PTPRD: variants seen among roughly 807,000 people sequenced by gnomAD.
PTPRD encodes the protein receptor-type tyrosine-protein phosphatase delta.
PTPRD carries 34 observed loss-of-function variants against 214.5 expected under a neutral mutation model. The observed-to-expected ratio is 0.16, with a 90% confidence interval of 0.12 to 0.21. The LOEUF is 0.21. Ranked by LOEUF, PTPRD falls within the 10% of genes least tolerant of loss-of-function variation. The pLI, the probability that PTPRD is intolerant of heterozygous loss-of-function variation, is 1.00. For missense variants in PTPRD, 2,545 were observed against 2,398.7 expected (o/e 1.06, Z -1.27); for synonymous variants, 1,128 against 845.7 (o/e 1.33, Z -5.79).
intron 9 of PTPRD, among the ~76,000 whole-genome samples, chr9:9,329,273 CA>C (rs1017769840): frequency 4.8e-4 from 72 of 151,134 alleles, no homozygotes; most frequent in African/African-American, 1.5e-3. Context: ...AACAAAAACA[CA>C]AAAAAACCAA....
At chr9:9,908,975 T>C (rs886188458) in intron 5 of PTPRD, among the ~76,000 whole-genome samples, 13 of 151,970 alleles carry the variant, frequency 8.6e-5, no homozygotes, top group Admixed American at 6.6e-4. Context: ...ATATAGCAAG[T>C]GGTTTAAAAT....
intron 9 of PTPRD, among the ~76,000 whole-genome samples, chr9:9,372,829 A>C (rs1461984723): frequency 1.3e-5 from 2 of 151,978 alleles, no homozygotes; most frequent in Non-Finnish European, 2.9e-5. Context: ...ATCTCTCAGC[A>C]TTTGCTTGTT....
At chr9:9,192,633 A>G (rs1373763703) in intron 9 of PTPRD, among the ~76,000 whole-genome samples, 1 of 152,120 alleles carries the variant, frequency 6.6e-6, no homozygotes, top group Non-Finnish European at 1.5e-5. Flanking sequence ...TAGAGAGTCC[A>G]TTAAATGCCT....
At chr9:10,156,950 A>ACTT (rs2099097229) in intron 3 of PTPRD, among the ~76,000 whole-genome samples, 1 of 152,112 alleles carries the variant, frequency 6.6e-6, no homozygotes, top group Admixed American at 6.6e-5. Flanking sequence ...TAGGATTGCA[A>ACTT]CTTCTGCTTT....
intron 9 of PTPRD, among the ~76,000 whole-genome samples, chr9:9,385,639 C>T (rs2063641272): frequency 1.3e-5 from 2 of 152,054 alleles, no homozygotes; most frequent in African/African-American, 4.8e-5. Flanking sequence ...CTGGACAAAC[C>T]TTAGTGAAAG....
chr9:8,920,386 T>C lies in PTPRD; in HGVS notation c.-104+98311A>G, dbSNP rs180695255. ...TTTCTTAAATACTAAGGAGGCAATG[T>C]ATTTGGAATGAGGAAAAACATTGAA... On this transcript the variant is annotated intron_variant, in intron 11 of 45. Coordinates refer to ENST00000381196, the MANE Select transcript of PTPRD (RefSeq NM_002839.4). Among the ~76,000 whole-genome samples, 1,236 of 152,282 alleles carry C rather than the reference T, an allele frequency of 8.1e-3. 18 individuals are homozygous for C. Among genetic ancestry groups the C allele is most frequent in the African/African-American group, 0.028 (1,179 of 41,552 alleles).
intron 11 of PTPRD, among the ~76,000 whole-genome samples, chr9:8,744,187 T>C (rs996150283): frequency 2.0e-5 from 3 of 148,024 alleles, no homozygotes; most frequent in Non-Finnish European, 4.5e-5. Context: ...GGAACACTTC[T>C]ACACTGTTGA....
At chr9:9,777,064 T>C (rs1208432799) in intron 5 of PTPRD, among the ~76,000 whole-genome samples, 1 of 152,210 alleles carries the variant, frequency 6.6e-6, no homozygotes, top group African/African-American at 2.4e-5. Context: ...GCTTGTCATG[T>C]ACAACTTTAC....
intron 11 of PTPRD, among the ~76,000 whole-genome samples, chr9:8,745,095 C>T (rs7021929): frequency 4.0e-4 from 61 of 152,106 alleles, no homozygotes; most frequent in Non-Finnish European, 1.6e-4. Context: ...TTCACATCTA[C>T]TCCCTCCTTC....
rs1170827032 is a variant in PTPRD, at chr9:8,315,996, T to A, written c.*1878A>T. ...AAAAATCCTAATGGAATATCAAATATATTCCAAAGTTGCCAATGATATTTG... is the reference window on the plus strand; with the variant it reads ...AAAAATCCTAATGGAATATCAAATAAATTCCAAAGTTGCCAATGATATTTG... On this transcript the variant is annotated 3_prime_UTR_variant, in exon 46 of 46. Transcript: ENST00000381196. 2.2e-5 allele frequency: 5 copies of A among 227,820 alleles called. No individual in the cohort carries two copies. The highest frequency in any genetic ancestry group is 4.4e-5 in the Non-Finnish European group (5 of 114,566). The allele number at this position is 227,820 out of a possible 1,614,324, so 14.1% of individuals were successfully genotyped here.
At chr9:9,832,777 G>T (rs927755317) in intron 5 of PTPRD, among the ~76,000 whole-genome samples, 1 of 151,954 alleles carries the variant, frequency 6.6e-6, no homozygotes, top group African/African-American at 2.4e-5. Flanking sequence ...TGATGATGAG[G>T]CAACTAGCCA....
intron 9 of PTPRD, among the ~76,000 whole-genome samples, chr9:9,304,623 ATATTAGTATCTTATTTTCTC>A (rs1448596730): frequency 1.3e-5 from 2 of 151,622 alleles, no homozygotes; most frequent in African/African-American, 4.8e-5. Flanking sequence ...AAAGCTCCAA[ATATTAGTATCTTATTTTCTC>A]TAGAGGATTC....
chr9:10,149,220 C>A (rs2099044131), intron 3 of PTPRD, among the ~76,000 whole-genome samples: 2 of 152,160 alleles, frequency 1.3e-5, no homozygotes, highest in African/African-American at 4.8e-5. Context: ...AGTCATGTTG[C>A]AACACAAGTT....
chr9:9,120,756 G>A (rs190248765), intron 10 of PTPRD, among the ~76,000 whole-genome samples: 33 of 152,218 alleles, frequency 2.2e-4, no homozygotes, highest in African/African-American at 7.9e-4. Flanking sequence ...CTTTTATATA[G>A]CCAAATTTGG....
intron 14 of PTPRD, among the ~76,000 whole-genome samples, chr9:8,571,456 A>AC (rs557851241): frequency 4.3e-4 from 65 of 152,298 alleles, no homozygotes; most frequent in African/African-American, 1.5e-3. Context: ...CATGCAGAAC[A>AC]CCATCAAAAT....
intron 8 of PTPRD, chr9:9,442,172 G>C (rs1647293507): frequency 6.6e-6 from 1 of 152,176 alleles, no homozygotes; most frequent in Non-Finnish European, 1.5e-5. Flanking sequence ...TCGGGTGTCC[G>C]CACTAAGTTC....
At chr9:8,427,150 T>C (rs182245132) in intron 35 of PTPRD, among the ~76,000 whole-genome samples, 1 of 152,322 alleles carries the variant, frequency 6.6e-6, no homozygotes, top group East Asian at 1.9e-4. Context: ...ATCTTTGCTA[T>C]AAAAGCGGCT....
rs796940349 is a variant in PTPRD at position 8,692,060 on chromosome 9, CCTT to C, written c.64+41717_64+41719del. On this transcript the variant is annotated intron_variant, in intron 12 of 45. Transcript: ENST00000381196. The stretch of plus-strand genomic sequence containing the variant: ...TCCGACTCTGATGGTCTCTAAAATT[CCTT>C]CTTCTCTTTTTGATCATATTTCCTT... Among the ~76,000 whole-genome samples the C allele has an allele frequency of 8.5e-5, 13 of 152,082 alleles. 1 individual carries two copies. Among genetic ancestry groups the C allele is most frequent in the African/African-American group, 3.1e-4 (13 of 41,490 alleles).
chr9:8,579,695 T>G (rs990509083), intron 14 of PTPRD, among the ~76,000 whole-genome samples: 53 of 152,336 alleles, frequency 3.5e-4, no homozygotes, highest in African/African-American at 1.3e-3. Context: ...TGACCAGATC[T>G]GGGAAAGGCT....
Sources: allele counts gnomAD v4.1 joint callset (sites outside exome capture counted in the v4.1 genomes callset), GRCh38; gene constraint gnomAD v4.1.1; transcripts MANE v1.5; gene names NCBI Gene and HGNC (gene_info 2026-07-23, HGNC 2026-07-21).